The following CTXN2 variants were observed in gnomAD, a reference collection of about 807,000 sequenced individuals.
CTXN2 encodes cortexin-2.
Under a neutral mutation model 5.7 loss-of-function variants are expected in CTXN2, and 3 were observed. That is an observed-to-expected ratio of 0.53 (90% confidence interval 0.24 to 1.36). CTXN2 has a LOEUF of 1.36. Among genes scored for constraint, CTXN2 ranks in the 40% most tolerant of loss-of-function variants. The probability of loss-of-function intolerance (pLI) is 0.17; values close to 1 mark genes in which losing one functional copy is unlikely to be tolerated. For missense variants in CTXN2, 87 were observed against 93.0 expected (o/e 0.94, Z 0.26); for synonymous variants, 38 against 36.4 (o/e 1.04, Z -0.16).
chr15:48,194,166 TG>T (rs1567293827), intron 1 of CTXN2, among the ~76,000 whole-genome samples: 1 of 152,120 alleles, frequency 6.6e-6, no homozygotes, highest in Non-Finnish European at 1.5e-5. Context: ...TATAAAAGCC[TG>T]TTTTCTCTTT....
chr15:48,191,906 C>CT, intron 1 of CTXN2, 53 bp downstream of exon 1: 1 of 444,574 alleles, frequency 2.2e-6, no homozygotes, highest in South Asian at 1.6e-5. Flanking sequence ...TCCGCATTAA[C>CT]TGACAGCGTT....
At chr15:48,187,592 G>C (rs916201946), upstream of CTXN2, among the ~76,000 whole-genome samples, 1 of 152,164 alleles carries the variant, frequency 6.6e-6, no homozygotes, top group Admixed American at 6.5e-5. Context: ...CAAAAGTTGA[G>C]AGCAAGAAGT....
At chr15:48,195,427 GC>G (rs1287084281) in intron 1 of CTXN2, among the ~76,000 whole-genome samples, 3 of 151,972 alleles carry the variant, frequency 2.0e-5, no homozygotes, top group Non-Finnish European at 4.4e-5. Flanking sequence ...AAGCCACTCA[GC>G]CTTTAAGCAA....
At chr15:48,200,769 G>A (rs902537531) in intron 1 of CTXN2, among the ~76,000 whole-genome samples, 6 of 152,130 alleles carry the variant, frequency 3.9e-5, no homozygotes, top group Admixed American at 2.0e-4. Flanking sequence ...CATTATATCT[G>A]TTTAAAAGGA....
chr15:48,203,501 T>C lies in CTXN2; in HGVS notation c.*1955T>C, dbSNP rs1212851798. Reference sequence around the variant, plus strand: ...TGTGCCAGGAAACTAGGTCTCTTTGTTGACCAAGGCTTTTAAAGTACCAGA... The same window carrying C: ...TGTGCCAGGAAACTAGGTCTCTTTGCTGACCAAGGCTTTTAAAGTACCAGA... On this transcript the variant is annotated 3_prime_UTR_variant, in exon 2 of 2. Coordinates refer to ENST00000417307, the MANE Select transcript of CTXN2 (RefSeq NM_001145668.2). 6.0e-6 allele frequency: 1 copy of C among 167,018 alleles called. No individual in the cohort carries two copies. The highest frequency in any genetic ancestry group is 1.5e-5 in the Non-Finnish European group (1 of 68,118). The allele number at this position is 167,018 out of a possible 1,614,324, so 10.3% of individuals were successfully genotyped here.
chr15:48,180,070 A>G (rs2040685075), intron 1 of CTXN2, among the ~76,000 whole-genome samples: 1 of 152,274 alleles, frequency 6.6e-6, no homozygotes, highest in Non-Finnish European at 1.5e-5. Flanking sequence ...TTTAAGTGCT[A>G]TAATACAAAT....
intron 1 of CTXN2, among the ~76,000 whole-genome samples, chr15:48,183,521 C>T (rs1163810878): frequency 6.6e-6 from 1 of 152,168 alleles, no homozygotes; most frequent in Non-Finnish European, 1.5e-5. Context: ...TTACAATTGT[C>T]AGAGGTATTT....
chr15:48,182,109 T>TTC (rs140677674), intron 1 of CTXN2, among the ~76,000 whole-genome samples: 64 of 151,828 alleles, frequency 4.2e-4, no homozygotes, highest in African/African-American at 1.5e-3. Flanking sequence ...TTTTCCTCCT[T>TTC]TCTCTCTCTC....
At chr15:48,181,025 G>T (rs916295849) in intron 1 of CTXN2, among the ~76,000 whole-genome samples, 60 of 152,124 alleles carry the variant, frequency 3.9e-4, no homozygotes, top group African/African-American at 1.4e-3. Flanking sequence ...GTACCTGGCG[G>T]GATAGGGGAA....
upstream of CTXN2, among the ~76,000 whole-genome samples, chr15:48,187,930 T>G (rs2040774134): frequency 1.3e-5 from 2 of 152,164 alleles, no homozygotes; most frequent in Non-Finnish European, 2.9e-5. Context: ...ACTGAAAAAT[T>G]TCTTCGTCAT....
upstream of CTXN2, chr15:48,191,399 G>T (rs1286392354): frequency 9.4e-6 from 2 of 212,150 alleles, no homozygotes; most frequent in South Asian, 6.9e-5. Flanking sequence ...AGGGTGTGTC[G>T]TGAGAAAAAA....
chr15:48,187,426 A>G (rs1198914241), upstream of CTXN2, among the ~76,000 whole-genome samples: 1 of 152,234 alleles, frequency 6.6e-6, no homozygotes, highest in African/African-American at 2.4e-5. Flanking sequence ...GTTTGAATCA[A>G]TAGCAATATT....
upstream of CTXN2, among the ~76,000 whole-genome samples, chr15:48,188,148 A>G (rs1025023863): frequency 1.8e-4 from 28 of 152,058 alleles, no homozygotes; most frequent in African/African-American, 6.8e-4. Context: ...ACATGAGGTC[A>G]CACATTAAAA....
At chr15:48,187,808 A>G (rs1715326878), upstream of CTXN2, among the ~76,000 whole-genome samples, 2 of 152,212 alleles carry the variant, frequency 1.3e-5, no homozygotes, top group Non-Finnish European at 2.9e-5. Context: ...TAACACTTCC[A>G]ATCTCTGAGA....
At position 48,203,060 on chromosome 15, in the gene CTXN2, C is replaced by G. The variant is rs1423790413; in HGVS notation, c.*1514C>G. ...CTACTATTTCCATTTTATTTTTAATCTTAATTTTGCAGAAGAGAAACTGAA... is the reference window on the plus strand; with the variant it reads ...CTACTATTTCCATTTTATTTTTAATGTTAATTTTGCAGAAGAGAAACTGAA... On this transcript the variant is annotated 3_prime_UTR_variant, in exon 2 of 2. Coordinates refer to ENST00000417307, the MANE Select transcript of CTXN2 (RefSeq NM_001145668.2). 6.0e-6 allele frequency: 1 copy of G among 166,900 alleles called. No individual in the cohort carries two copies. Among genetic ancestry groups the G allele is most frequent in the East Asian group, 1.9e-4 (1 of 5,196 alleles). The allele number at this position is 166,900 out of a possible 1,614,324, so 10.3% of individuals were successfully genotyped here. A position where few individuals can be genotyped will look rare whatever the true frequency, so the allele number is the denominator to read the frequency against.
rs2040943219 is a variant in CTXN2 at position 48,203,409 on chromosome 15, C to T, written c.*1863C>T. On this transcript the variant is annotated 3_prime_UTR_variant, in exon 2 of 2. Coordinates refer to ENST00000417307, the MANE Select transcript of CTXN2 (RefSeq NM_001145668.2). ...AGTGTAGGCCTGGTACACCTCATAG[C>T]CAGTTAGTAACTTGGCCCAAGAACA... 1 of 167,002 alleles carries T rather than the reference C, an allele frequency of 6.0e-6. No homozygotes were observed. Among genetic ancestry groups the T allele is most frequent in the Non-Finnish European group, 1.5e-5 (1 of 68,100 alleles). 10.3% of individuals were successfully genotyped at this position (167,002 alleles called of 1,614,324 possible).
upstream of CTXN2, among the ~76,000 whole-genome samples, chr15:48,186,919 A>C (rs533595256): frequency 6.6e-6 from 1 of 151,348 alleles, no homozygotes; most frequent in South Asian, 2.1e-4. Context: ...CAAAAAAAAA[A>C]AAAAAAAAAA....
intron 1 of CTXN2, among the ~76,000 whole-genome samples, chr15:48,180,571 G>C (rs375825081): frequency 5.3e-5 from 8 of 152,260 alleles, no homozygotes; most frequent in African/African-American, 1.9e-4. Flanking sequence ...GAGTGCAGTG[G>C]CGCCATCTCT....
At chr15:48,194,059 C>T (rs2040853200) in intron 1 of CTXN2, among the ~76,000 whole-genome samples, 1 of 152,112 alleles carries the variant, frequency 6.6e-6, no homozygotes, top group Admixed American at 6.6e-5. Flanking sequence ...CAGCAATGGA[C>T]AAATTTTTAA....
Sources: gnomAD v4.1 joint callset for allele counts (sites outside exome capture counted in the v4.1 genomes callset) on GRCh38, gnomAD v4.1.1 for gene constraint, MANE v1.5 for transcripts, NCBI Gene and HGNC (gene_info 2026-07-23, HGNC 2026-07-21) for gene names.